ZKSCAN1: variants seen among roughly 807,000 people sequenced by gnomAD.
ZKSCAN1 encodes zinc finger protein with KRAB and SCAN domains 1.
In ZKSCAN1, 14 loss-of-function variants were observed where a neutral mutation model predicts 51.6. The observed-to-expected ratio is 0.27, with a 90% CI of 0.18 to 0.42. ZKSCAN1 has a LOEUF of 0.42. Ranked by LOEUF, ZKSCAN1 falls within the 10% of genes least tolerant of loss-of-function variation. The probability of loss-of-function intolerance (pLI) is 1.00; values close to 1 mark genes in which losing one functional copy is unlikely to be tolerated. For synonymous variants in ZKSCAN1, 263 were observed against 261.5 expected (o/e 1.01, Z -0.06); for missense variants, 531 against 710.0 (o/e 0.75, Z 2.86).
intron 1 of ZKSCAN1, among the ~76,000 whole-genome samples, chr7:100,022,087 G>A (rs918072192): frequency 1.3e-5 from 2 of 152,048 alleles, no homozygotes; most frequent in South Asian, 2.1e-4. Flanking sequence ...ACAGAGTCTC[G>A]CTCTGTGGCC....
Position 100,040,354 on chromosome 7 carries a change from C to G in ZKSCAN1, c.*6157C>G. Reference sequence around the variant, plus strand: ...CAATTTGAATCTGAGATTCTCACCTCCATTTACTAAAGAATCGTGACTTAA... The same window carrying G: ...CAATTTGAATCTGAGATTCTCACCTGCATTTACTAAAGAATCGTGACTTAA... On this transcript the variant is annotated 3_prime_UTR_variant, in exon 6 of 6. Coordinates refer to ENST00000324306, the MANE Select transcript of ZKSCAN1 (RefSeq NM_003439.4). 2.0e-6 allele frequency: 2 copies of G among 985,420 alleles called. No individual in the cohort carries two copies. Among genetic ancestry groups the G allele is most frequent in the Non-Finnish European group, 2.4e-6 (2 of 829,934 alleles). The allele number at this position is 985,420 out of a possible 1,614,324, so 61.0% of individuals were successfully genotyped here. A position where few individuals can be genotyped will look rare whatever the true frequency, so the allele number is the denominator to read the frequency against.
downstream of ZKSCAN1, chr7:100,041,815 A>T: frequency 2.2e-6 from 2 of 913,922 alleles, no homozygotes; most frequent in Non-Finnish European, 2.6e-6. Context: ...CACAAACAAA[A>T]TTCTCATGCA....
In ZKSCAN1 at chr7:100,037,877, G is replaced by A. The variant is rs1436019779; in HGVS notation, c.*3680G>A. The A allele has an allele frequency of 1.4e-5, 9 of 652,346 alleles. No homozygotes were observed. Among genetic ancestry groups the A allele is most frequent in the African/African-American group, 4.0e-5 (2 of 50,590 alleles). 40.4% of individuals were successfully genotyped at this position (652,346 alleles called of 1,614,324 possible). A position where few individuals can be genotyped will look rare whatever the true frequency, so the allele number is the denominator to read the frequency against. On this transcript the variant is annotated 3_prime_UTR_variant, in exon 6 of 6. Coordinates refer to ENST00000324306, the MANE Select transcript of ZKSCAN1 (RefSeq NM_003439.4). ...CTAAAAATACAAAAAAAAATTAGCT[G>A]GGCACAGTGGCGCACGCCTGTAGTC...
At chr7:100,032,804 C>G (rs1244855432) in intron 5 of ZKSCAN1, among the ~76,000 whole-genome samples, 2 of 151,862 alleles carry the variant, frequency 1.3e-5, no homozygotes. Context: ...GTCAGGAGAT[C>G]GAGACTATCC....
downstream of ZKSCAN1, chr7:100,044,848 T>C (rs1236708123): frequency 4.1e-6 from 4 of 985,244 alleles, no homozygotes; most frequent in Non-Finnish European, 3.6e-6. Flanking sequence ...AAAAAGGACA[T>C]GTTCGGAGTT....
In ZKSCAN1 at chr7:100,033,587, G is replaced by A; in HGVS notation, c.1082G>A (p.Ser361Asn). 12 of 1,614,208 alleles carry A rather than the reference G, an allele frequency of 7.4e-6. No homozygotes were observed. The highest frequency in any genetic ancestry group is 9.3e-6 in the Non-Finnish European group (11 of 1,180,032). Residue 361 changes from serine (S) to asparagine (N), a missense_variant, in exon 6 of 6, where the codon AGC becomes AAC. Around this residue, in one of 2 missense-constraint regions of ZKSCAN1, gnomAD observed 403 missense variants for 490.5 expected, o/e 0.82. Transcript: ENST00000324306. The surrounding 1 kb of genome is among the most constrained non-coding windows in gnomAD (Gnocchi z 4.1). ...GKGLGRSFSLSSNFTTPEEVP... is the reference protein window; with the variant it reads ...GKGLGRSFSLNSNFTTPEEVP... ...GGATTGGGAAGAAGCTTCAGTCTGAGCTCCAACTTCACCACCCCTGAAGAA... is the reference window on the plus strand; with the variant it reads ...GGATTGGGAAGAAGCTTCAGTCTGAACTCCAACTTCACCACCCCTGAAGAA...
chr7:100,025,173 T>C (rs1182949035), intron 3 of ZKSCAN1, among the ~76,000 whole-genome samples: 1 of 151,982 alleles, frequency 6.6e-6, no homozygotes, highest in Non-Finnish European at 1.5e-5. Context: ...ACAGATGTCA[T>C]TATTTTCAGC....
intron 1 of ZKSCAN1, among the ~76,000 whole-genome samples, chr7:100,023,085 A>G (rs1003179814): frequency 6.6e-6 from 1 of 151,812 alleles, no homozygotes; most frequent in Non-Finnish European, 1.5e-5. Flanking sequence ...ATCTCGGCTC[A>G]CTACAACCTC....
rs1457040433 is a variant in ZKSCAN1, at chr7:100,037,364, G to T, written c.*3167G>T. 5 of 985,248 alleles carry T rather than the reference G, an allele frequency of 5.1e-6. No homozygotes were observed. The highest frequency in any genetic ancestry group is 6.0e-6 in the Non-Finnish European group (5 of 829,918). The allele number at this position is 985,248 out of a possible 1,614,324, so 61.0% of individuals were successfully genotyped here. A position where few individuals can be genotyped will look rare whatever the true frequency, so the allele number is the denominator to read the frequency against. ...ATTTGTTTCTACTCCAGCCTGGCAG[G>T]CAAGGCTAAAACCTGAGATTATCGA... On this transcript the variant is annotated 3_prime_UTR_variant, in exon 6 of 6. Coordinates refer to ENST00000324306, the MANE Select transcript of ZKSCAN1 (RefSeq NM_003439.4).
intron 3 of ZKSCAN1, among the ~76,000 whole-genome samples, chr7:100,025,807 C>G (rs1319228744): frequency 1.3e-5 from 2 of 152,238 alleles, no homozygotes; most frequent in East Asian, 3.9e-4. Context: ...ATTTTTAGCC[C>G]AGGCACAGTG....
chr7:100,028,683 T>G (rs1790954662), intron 3 of ZKSCAN1, among the ~76,000 whole-genome samples: 1 of 151,368 alleles, frequency 6.6e-6, no homozygotes, highest in African/African-American at 2.4e-5. Flanking sequence ...AAAATTTTCA[T>G]AATTGTTATG....
chr7:100,028,338 G>A (rs1023787340), intron 3 of ZKSCAN1, among the ~76,000 whole-genome samples: 4 of 151,622 alleles, frequency 2.6e-5, no homozygotes, highest in Admixed American at 2.0e-4. Flanking sequence ...GTGATAGAGC[G>A]AGACTCCATC....
chr7:100,020,056 A>T (rs147471772), intron 1 of ZKSCAN1, among the ~76,000 whole-genome samples: 38 of 152,306 alleles, frequency 2.5e-4, no homozygotes, highest in African/African-American at 8.9e-4. Flanking sequence ...TAAGATTGTT[A>T]TGTGGTCAAG....
chr7:100,023,207 C>T (rs1367221280), intron 1 of ZKSCAN1, among the ~76,000 whole-genome samples: 2 of 152,016 alleles, frequency 1.3e-5, no homozygotes, highest in African/African-American at 4.8e-5. Flanking sequence ...GACGGGGTTT[C>T]ACCATGTTGG....
At chr7:100,043,501 T>G (rs1791648864), downstream of ZKSCAN1, among the ~76,000 whole-genome samples, 1 of 151,832 alleles carries the variant, frequency 6.6e-6, no homozygotes. Flanking sequence ...TATTTCAGCC[T>G]CAGCTGGGAC....
intron 3 of ZKSCAN1, among the ~76,000 whole-genome samples, chr7:100,029,392 T>C (rs1166216861): frequency 2.0e-5 from 3 of 152,104 alleles, no homozygotes; most frequent in Non-Finnish European, 1.5e-5. Context: ...CCACTAAAGA[T>C]TTTAAAGCTG....
chr7:100,042,797 GTT>G (rs1200823549), downstream of ZKSCAN1, among the ~76,000 whole-genome samples: 23 of 125,148 alleles, frequency 1.8e-4, no homozygotes, highest in Non-Finnish European at 1.7e-4. Flanking sequence ...TAATTTTTGG[GTT>G]TTTTTTTTTT....
In ZKSCAN1 at chr7:100,033,427, G is replaced by C. The variant is rs773479983; in HGVS notation, c.922G>C (p.Glu308Gln). 13 of 1,613,932 alleles carry C rather than the reference G, an allele frequency of 8.1e-6. No homozygotes were observed. The highest frequency in any genetic ancestry group is 1.7e-5 in the Admixed American group (1 of 59,986). Residue 308 changes from glutamate to glutamine, a missense_variant, in exon 6 of 6, where the codon GAG becomes CAG. Glu to Gln is a conservative substitution (Grantham distance 29). Transcript: ENST00000324306. This position sits in a 1 kb window ranked among gnomAD's most constrained non-coding sequence, Gnocchi z 4.1. ...QKEFGEKRDQ[E>Q]GKTGERQQKN... is the part of the protein sequence containing the mutation. ...AGAGTTTGGAGAGAAACGTGACCAG[G>C]AGGGCAAAACAGGAGAAAGACAGCA...
In ZKSCAN1 at chr7:100,039,978, G is replaced by A. The variant is rs917381882; in HGVS notation, c.*5781G>A. 2 of 950,996 alleles carry A rather than the reference G, an allele frequency of 2.1e-6. No homozygotes were observed. Among genetic ancestry groups the A allele is most frequent in the African/African-American group, 3.5e-5 (2 of 56,358 alleles). The allele number at this position is 950,996 out of a possible 1,614,324, so 58.9% of individuals were successfully genotyped here. ...TTATTTGAAAAGTTTTTCTAACATA[G>A]ATTTAGGGTTTTTTTTTTTAGAGTG... On this transcript the variant is annotated 3_prime_UTR_variant, in exon 6 of 6. Coordinates refer to ENST00000324306, the MANE Select transcript of ZKSCAN1 (RefSeq NM_003439.4).
Sources: allele counts gnomAD v4.1 joint callset (sites outside exome capture counted in the v4.1 genomes callset), GRCh38; gene constraint gnomAD v4.1.1; regional missense constraint gnomAD v4.1.1; non-coding constraint Gnocchi (gnomAD v3.1); transcripts MANE v1.5; gene names NCBI Gene and HGNC (gene_info 2026-07-23, HGNC 2026-07-21).